Variants in ZNF431 observed in about 807,000 individuals in gnomAD.
The protein encoded by ZNF431 is zinc finger protein 431.
ZNF431 carries 34 observed loss-of-function variants against 57.0 expected under a neutral mutation model. That is an observed-to-expected ratio of 0.60 (90% CI 0.45 to 0.79). ZNF431 has a LOEUF of 0.79. ZNF431 is among the 30% of genes least tolerant of loss of function. The pLI is 0.00. For synonymous variants in ZNF431, 207 were observed against 220.3 expected (o/e 0.94, Z 0.54); for missense variants, 607 against 667.1 (o/e 0.91, Z 0.99).
chr19:21,169,946 A>G lies in ZNF431; in HGVS notation c.319+2280A>G, dbSNP rs1191267184. 3 of 398,108 alleles carry G rather than the reference A, an allele frequency of 7.5e-6. No homozygotes were observed. In the East Asian group the frequency reaches 1.1e-4, roughly 14 times the overall value. The allele number at this position is 398,108 out of a possible 1,614,324, so 24.7% of individuals were successfully genotyped here. A position where few individuals can be genotyped will look rare whatever the true frequency, so the allele number is the denominator to read the frequency against. ...TCCTCCAGGTCTCTGGAAGGGCAGG[A>G]CCTCTCTTAGACTGTAACTGGGAGG... On this transcript the variant is annotated intron_variant, in intron 4 of 4. Coordinates refer to ENST00000311048, the MANE Select transcript of ZNF431 (RefSeq NM_133473.4).
intron 2 of ZNF431, among the ~76,000 whole-genome samples, chr19:21,146,051 T>G (rs1187027022): frequency 6.6e-6 from 1 of 152,068 alleles, no homozygotes; most frequent in African/African-American, 2.4e-5. Context: ...TTCTTTTAAT[T>G]GGAAAAATAA....
chr19:21,142,237 C>G, intron 1 of ZNF431, 51 bp downstream of exon 1: 2 of 1,612,318 alleles, frequency 1.2e-6, no homozygotes, highest in Non-Finnish European at 1.7e-6. Flanking sequence ...CTGGTTGTAA[C>G]CGGTGGGAAG....
At chr19:21,153,657 G>C (rs1477457754) in intron 2 of ZNF431, among the ~76,000 whole-genome samples, 2 of 152,158 alleles carry the variant, frequency 1.3e-5, no homozygotes, top group Non-Finnish European at 2.9e-5. Context: ...ACAGTGTTTT[G>C]CTGAGTTCTG....
chr19:21,166,476 C>A lies in ZNF431; in HGVS notation c.223+15C>A. ...GGTCTTCTTGGGTGAGAATAACTTT[C>A]ATACACAATTCTTAATATGCCCTAA... On this transcript the variant is annotated intron_variant, in intron 3 of 4. Transcript: ENST00000311048. The A allele has an allele frequency of 6.3e-7, 1 of 1,588,602 alleles. No homozygotes were observed. The highest frequency in any genetic ancestry group is 1.4e-5 in the African/African-American group (1 of 73,140).
chr19:21,183,047 T>C lies in ZNF431; in HGVS notation c.744T>C (p.Thr248=). 6 of 1,614,140 alleles carry C rather than the reference T, an allele frequency of 3.7e-6. No homozygotes were observed. The highest frequency in any genetic ancestry group is 5.1e-6 in the Non-Finnish European group (6 of 1,179,966). Residue 248 remains threonine (T), a synonymous_variant, in exon 5 of 5, where the codon ACT becomes ACC. Transcript: ENST00000311048. Reference sequence around the variant, plus strand: ...CTTTTAAATGGTTCTCAACCCTTACTAGACACAAGAGAATTCATACTGGAG... The same window carrying C: ...CTTTTAAATGGTTCTCAACCCTTACCAGACACAAGAGAATTCATACTGGAG... ...GKAFKWFSTL[T]RHKRIHTGEK...
At chr19:21,161,175 TAAATA>T (rs1367226532) in intron 2 of ZNF431, among the ~76,000 whole-genome samples, 1 of 151,714 alleles carries the variant, frequency 6.6e-6, no homozygotes, top group Non-Finnish European at 1.5e-5. Context: ...TCTAAATAAA[TAAATA>T]AATAAATAAA....
rs1471199327 is a variant in ZNF431 at position 21,146,753 on chromosome 19, A to G, written c.96+3110A>G. ...TCTTTATGACTTGTATCTTGTGCTG[A>G]CCTTCTTTCCTACCCTGTTACTTAG... is the stretch of plus-strand genomic sequence containing the variant. On this transcript the variant is annotated intron_variant, in intron 2 of 4. Transcript: ENST00000311048. Among the ~76,000 whole-genome samples, 3 of 152,070 alleles carry G rather than the reference A, an allele frequency of 2.0e-5. No individual in the cohort carries two copies. In the East Asian group the frequency reaches 5.8e-4, roughly 29 times the overall value.
chr19:21,162,050 C>G (rs1177755489), intron 2 of ZNF431, among the ~76,000 whole-genome samples: 1 of 152,048 alleles, frequency 6.6e-6, no homozygotes, highest in Non-Finnish European at 1.5e-5. Context: ...AACCTCGGCT[C>G]ACTGCAACCT....
intron 2 of ZNF431, among the ~76,000 whole-genome samples, chr19:21,154,842 C>T (rs1227943886): frequency 5.3e-5 from 8 of 151,986 alleles, no homozygotes; most frequent in African/African-American, 1.9e-4. Flanking sequence ...CTGTTCATAT[C>T]CTTTGCCCAC....
intron 2 of ZNF431, 121 bp from the exon 3 acceptor site, chr19:21,166,214 G>A (rs1424268099): frequency 1.9e-5 from 26 of 1,400,594 alleles, no homozygotes; most frequent in Non-Finnish European, 2.5e-5. Context: ...GATAATTTCA[G>A]TTATTCTTAT....
At chr19:21,176,707 A>AT (rs916927429) in intron 4 of ZNF431, among the ~76,000 whole-genome samples, 3 of 151,024 alleles carry the variant, frequency 2.0e-5, no homozygotes, top group Non-Finnish European at 3.0e-5. Flanking sequence ...TTATTTATTT[A>AT]TTTTTTTTCA....
intron 4 of ZNF431, 106 bp from the exon 5 acceptor site, chr19:21,182,517 A>G (rs1971233669): frequency 2.4e-6 from 3 of 1,261,540 alleles, no homozygotes; most frequent in Non-Finnish European, 3.2e-6. Flanking sequence ...ATGGTATTTT[A>G]TTATGGCATC....
rs759447060 is a variant in ZNF431, at chr19:21,195,431, T to A, written c.*11397T>A. The A allele has an allele frequency of 1.3e-5, 2 of 152,224 alleles. No homozygotes were observed. The highest frequency in any genetic ancestry group is 2.9e-5 in the Non-Finnish European group (2 of 68,040). 9.4% of individuals were successfully genotyped at this position (152,224 alleles called of 1,614,324 possible). A position where few individuals can be genotyped will look rare whatever the true frequency, so the allele number is the denominator to read the frequency against. On this transcript the variant is annotated 3_prime_UTR_variant, in exon 5 of 5. Coordinates refer to ENST00000311048, the MANE Select transcript of ZNF431 (RefSeq NM_133473.4). ...TCAACAGTTTCACTTCCAACTTTTT[T>A]AAAAGATACACAATTTTCTAAAAAA...
intron 2 of ZNF431, among the ~76,000 whole-genome samples, chr19:21,144,312 C>G (rs1970024472): frequency 6.6e-6 from 1 of 151,938 alleles, no homozygotes; most frequent in Non-Finnish European, 1.5e-5. Context: ...AATTCTCCTA[C>G]CTCAGCCTCC....
At position 21,183,144 on chromosome 19, in the gene ZNF431, A is replaced by T; in HGVS notation, c.841A>T (p.Ile281Phe). The T allele has an allele frequency of 6.2e-7, 1 of 1,613,996 alleles. No individual in the cohort carries two copies. The highest frequency in any genetic ancestry group is 8.5e-7 in the Non-Finnish European group (1 of 1,179,952). ...QSSTLTTHKI[I>F]HTGEKPYRCE... ...CTCAACCCTTACTACACATAAGATAATTCATACTGGGGAGAAACCATATAG... is the reference window on the plus strand; with the variant it reads ...CTCAACCCTTACTACACATAAGATATTTCATACTGGGGAGAAACCATATAG... The change falls in exon 5 of 5, where the codon ATT becomes TTT. Residue 281 changes from isoleucine (I) to phenylalanine (F), a missense_variant. Ile to Phe is a conservative substitution (Grantham distance 21, BLOSUM62 0). Coordinates refer to ENST00000311048, the MANE Select transcript of ZNF431 (RefSeq NM_133473.4).
At chr19:21,159,554 G>A (rs938912167) in intron 2 of ZNF431, among the ~76,000 whole-genome samples, 8 of 151,966 alleles carry the variant, frequency 5.3e-5, no homozygotes, top group African/African-American at 9.7e-5. Context: ...TGTATTTCTC[G>A]TAAAGACGGG....
intron 2 of ZNF431, chr19:21,149,702 C>G: frequency 1.7e-6 from 1 of 596,442 alleles, no homozygotes; most frequent in Non-Finnish European, 3.1e-6. Context: ...GCTTGGCGAT[C>G]TGAGCCACAG....
chr19:21,145,446 C>T (rs1351137531), intron 2 of ZNF431, among the ~76,000 whole-genome samples: 1 of 152,192 alleles, frequency 6.6e-6, no homozygotes, highest in Non-Finnish European at 1.5e-5. Flanking sequence ...CACTGCACTC[C>T]AGCCTGGGCG....
Position 21,166,389 on chromosome 19 carries a change from T to C in ZNF431, c.151T>C (p.Cys51Arg), listed in dbSNP as rs1381171582. Reference protein sequence around the residue: ...AIEFSLEEWECLNPAQQNLYM... With the variant: ...AIEFSLEEWERLNPAQQNLYM... ...AGAATTCTCTCTGGAGGAGTGGGAA[T>C]GCCTGAACCCTGCTCAGCAGAATTT... Residue 51 changes from cysteine (C) to arginine (R), a missense_variant, in exon 3 of 5, where the codon TGC becomes CGC. By Grantham distance (180) the Cys-to-Arg change is radical. Transcript: ENST00000311048. The C allele has an allele frequency of 6.2e-7, 1 of 1,612,404 alleles. No individual in the cohort carries two copies. Among genetic ancestry groups the C allele is most frequent in the Non-Finnish European group, 8.5e-7 (1 of 1,179,696 alleles).
Sources: allele counts gnomAD v4.1 joint callset (sites outside exome capture counted in the v4.1 genomes callset), GRCh38; gene constraint gnomAD v4.1.1; transcripts MANE v1.5; gene names NCBI Gene and HGNC (gene_info 2026-07-23, HGNC 2026-07-21).